Variants in SIPA1L1 observed in about 807,000 individuals in gnomAD.
SIPA1L1 encodes signal induced proliferation associated 1 like 1, also known as signal-induced proliferation-associated 1-like protein 1.
SIPA1L1 carries 26 observed loss-of-function variants against 162.7 expected under a neutral mutation model. That is an observed-to-expected ratio of 0.16 (90% CI 0.12 to 0.22). SIPA1L1 has a LOEUF of 0.22. SIPA1L1 is among the 10% of genes least tolerant of loss of function. The pLI is 1.00. For synonymous variants in SIPA1L1, 829 were observed against 837.4 expected (o/e 0.99, Z 0.17); for missense variants, 1,874 against 2,241.0 (o/e 0.84, Z 3.31).
At chr14:71,450,761 T>G (rs947567826) in intron 2 of SIPA1L1, among the ~76,000 whole-genome samples, 1 of 152,090 alleles carries the variant, frequency 6.6e-6, no homozygotes, top group African/African-American at 2.4e-5. Context: ...AGCAAGTGTT[T>G]TGAGAGGATG....
At chr14:71,407,900 C>T (rs2042140769) in intron 2 of SIPA1L1, among the ~76,000 whole-genome samples, 1 of 152,054 alleles carries the variant, frequency 6.6e-6, no homozygotes, top group Non-Finnish European at 1.5e-5. Flanking sequence ...CGAAGCTAGG[C>T]TTAAAATTAT....
intron 2 of SIPA1L1, among the ~76,000 whole-genome samples, chr14:71,496,683 G>C (rs2049808686): frequency 1.3e-5 from 2 of 152,238 alleles, no homozygotes; most frequent in East Asian, 3.9e-4. Flanking sequence ...CAATTATTTA[G>C]AGTGGAGTTT....
At chr14:71,460,220 A>C (rs916161762) in intron 2 of SIPA1L1, among the ~76,000 whole-genome samples, 2 of 152,138 alleles carry the variant, frequency 1.3e-5, no homozygotes, top group Admixed American at 1.3e-4. Flanking sequence ...ATTGATGACT[A>C]CCTTTTTCTA....
chr14:71,377,410 C>G lies in SIPA1L1; in HGVS notation c.-465+56229C>G, dbSNP rs1375584723. Among the ~76,000 whole-genome samples, 1 of 152,002 alleles carries G rather than the reference C, an allele frequency of 6.6e-6. No individual in the cohort carries two copies. Among genetic ancestry groups the G allele is most frequent in the African/African-American group, 2.4e-5 (1 of 41,388 alleles). ...GGCCGGGCAGAGGCACTCCTCACCT[C>G]CCAGACAGGGTGGCAGCCGGGTAGA... On this transcript the variant is annotated intron_variant, in intron 2 of 23. Coordinates refer to ENST00000381232, the MANE Select transcript of SIPA1L1 (RefSeq NM_001386936.1). This position sits in a 1 kb window ranked among gnomAD's most constrained non-coding sequence, Gnocchi z 4.8.
chr14:71,674,765 C>T (rs891757575), intron 12 of SIPA1L1, among the ~76,000 whole-genome samples: 3 of 151,472 alleles, frequency 2.0e-5, no homozygotes, highest in Non-Finnish European at 3.0e-5. Context: ...GGGGTTTCAC[C>T]GTTTTAGCCG....
chr14:71,548,586 A>G (rs1192622509), intron 4 of SIPA1L1, among the ~76,000 whole-genome samples: 1 of 152,172 alleles, frequency 6.6e-6, no homozygotes, highest in Admixed American at 6.5e-5. Context: ...AAGAAAGTAA[A>G]TGTGGTATTT....
At position 71,551,803 on chromosome 14, in the gene SIPA1L1, T is replaced by C. The variant is rs142790215; in HGVS notation, c.-303+22433T>C. Among the ~76,000 whole-genome samples the C allele has an allele frequency of 1.7e-3, 252 of 152,318 alleles. 1 individual carries two copies. Among genetic ancestry groups the C allele is most frequent in the Non-Finnish European group, 3.0e-3 (204 of 68,028 alleles). ...TTACCTTGGACACGCTGTTTGCTCA[T>C]GTCCCAGAGTCTTTCCACTTGCTCT... is the stretch of plus-strand genomic sequence containing the variant. On this transcript the variant is annotated intron_variant, in intron 4 of 23. Coordinates refer to ENST00000381232, the MANE Select transcript of SIPA1L1 (RefSeq NM_001386936.1).
chr14:71,332,175 T>A (rs1376997566), intron 2 of SIPA1L1, among the ~76,000 whole-genome samples: 6 of 152,144 alleles, frequency 3.9e-5, no homozygotes, highest in African/African-American at 1.4e-4. Context: ...CCATATGAAT[T>A]TTTGTTTGCA....
At chr14:71,664,871 A>C (rs2043857678) in intron 10 of SIPA1L1, among the ~76,000 whole-genome samples, 1 of 152,220 alleles carries the variant, frequency 6.6e-6, no homozygotes, top group Non-Finnish European at 1.5e-5. Flanking sequence ...ATTTATGAGA[A>C]GATGGGATTT....
In SIPA1L1 at chr14:71,730,222, C is replaced by T; in HGVS notation, c.4782C>T (p.Phe1594=). 1.2e-6 allele frequency: 2 copies of T among 1,614,186 alleles called. No homozygotes were observed. Among genetic ancestry groups the T allele is most frequent in the Non-Finnish European group, 1.7e-6 (2 of 1,180,022 alleles). Reference sequence around the variant, plus strand: ...AAGCCCTGCCCAACGACGTCCTCTTCAGTAGCACGTACCCTTCTCTCCCCA... The same window carrying T: ...AAGCCCTGCCCAACGACGTCCTCTTTAGTAGCACGTACCCTTCTCTCCCCA... The part of the protein sequence containing the change: ...LDQALPNDVL[F]SSTYPSLPKS... The change falls in exon 20 of 24, where the codon TTC becomes TTT. Residue 1594 remains phenylalanine (F), a synonymous_variant. Coordinates refer to ENST00000381232, the MANE Select transcript of SIPA1L1 (RefSeq NM_001386936.1).
intron 2 of SIPA1L1, among the ~76,000 whole-genome samples, chr14:71,394,883 A>C (rs1336134540): frequency 2.6e-5 from 4 of 152,232 alleles, no homozygotes; most frequent in African/African-American, 9.6e-5. Context: ...TCAAAAGAAG[A>C]AGCTATATTA....
chr14:71,646,378 G>A (rs1309043663), intron 7 of SIPA1L1, among the ~76,000 whole-genome samples: 3 of 152,214 alleles, frequency 2.0e-5, no homozygotes, highest in East Asian at 1.9e-4. Context: ...GGGTTTCACC[G>A]TGTTAGTCAG....
chr14:71,583,559 C>G lies in SIPA1L1; in HGVS notation c.-302-4012C>G, dbSNP rs1195234619. On this transcript the variant is annotated intron_variant, in intron 4 of 23. Transcript: ENST00000381232. The stretch of plus-strand genomic sequence containing the variant: ...CTGTAGTGTTCCCCCAACCCCACCC[C>G]CTTCCCACATCTTCTTCTTGTAACC... Among the ~76,000 whole-genome samples, 5 of 152,244 alleles carry G rather than the reference C, an allele frequency of 3.3e-5. No individual in the cohort carries two copies. In the East Asian group the frequency reaches 7.7e-4, roughly 23 times the overall value.
At chr14:71,668,464 A>G (rs1488597548) in intron 10 of SIPA1L1, among the ~76,000 whole-genome samples, 1 of 152,244 alleles carries the variant, frequency 6.6e-6, no homozygotes, top group East Asian at 1.9e-4. Flanking sequence ...GTCAAACCAC[A>G]GAATACAAAC....
At chr14:71,600,476 C>T (rs897023670) in intron 5 of SIPA1L1, among the ~76,000 whole-genome samples, 5 of 152,116 alleles carry the variant, frequency 3.3e-5, no homozygotes, top group African/African-American at 9.7e-5. Context: ...AGACCAATGC[C>T]ATGCTGTTTT....
chr14:71,554,600 A>G (rs1434067465), intron 4 of SIPA1L1, among the ~76,000 whole-genome samples: 3 of 152,152 alleles, frequency 2.0e-5, no homozygotes, highest in African/African-American at 7.2e-5. Flanking sequence ...TGTTGTTGTT[A>G]ACTTCTATAT....
chr14:71,582,950 CT>C (rs935733131), intron 4 of SIPA1L1, among the ~76,000 whole-genome samples: 1 of 152,112 alleles, frequency 6.6e-6, no homozygotes, highest in Admixed American at 6.6e-5. Context: ...TGAGATGCAA[CT>C]TTTATGTAAT....
intron 4 of SIPA1L1, among the ~76,000 whole-genome samples, chr14:71,563,552 T>C (rs1252918711): frequency 6.6e-6 from 1 of 152,236 alleles, no homozygotes. Context: ...TCCTTTTATA[T>C]CTTCAAATGA....
chr14:71,522,964 C>G (rs185695595), intron 3 of SIPA1L1, among the ~76,000 whole-genome samples: 14 of 152,276 alleles, frequency 9.2e-5, no homozygotes, highest in South Asian at 2.1e-4. Context: ...TGAGCCACTG[C>G]ACCCGACCTT....
Sources: allele counts gnomAD v4.1 joint callset (sites outside exome capture counted in the v4.1 genomes callset), GRCh38; gene constraint gnomAD v4.1.1; non-coding constraint Gnocchi (gnomAD v3.1); transcripts MANE v1.5; gene names NCBI Gene and HGNC (gene_info 2026-07-23, HGNC 2026-07-21).